Variants in PRKG1 observed in about 807,000 individuals in gnomAD.
The protein encoded by PRKG1 is cGMP-dependent protein kinase 1.
A neutral mutation model predicts 88.1 loss-of-function variants in PRKG1; 35 were observed. That is an observed-to-expected ratio of 0.40 (90% confidence interval 0.30 to 0.53). The LOEUF (loss-of-function observed/expected upper bound fraction) is 0.53, where lower values mean the gene tolerates loss of function less well. Among genes scored for constraint, PRKG1 ranks in the 20% least tolerant of loss-of-function variants. PRKG1 has a pLI of 0.59. For missense variants in PRKG1, 540 were observed against 839.8 expected, an observed-to-expected ratio of 0.64 and a Z score of 4.41; for synonymous variants, 303 against 292.5, an observed-to-expected ratio of 1.04 and a Z score of -0.37.
chr10:51,980,632 T>C (rs1419301573), intron 5 of PRKG1, among the ~76,000 whole-genome samples: 2 of 152,200 alleles, frequency 1.3e-5, no homozygotes, highest in Non-Finnish European at 2.9e-5. Flanking sequence ...TTTGAAAGTA[T>C]CTTAAGAACT....
intron 2 of PRKG1, among the ~76,000 whole-genome samples, chr10:51,269,686 T>C (rs1359092613): frequency 6.6e-6 from 1 of 152,006 alleles, no homozygotes; most frequent in East Asian, 1.9e-4. Context: ...GGCATAAGAA[T>C]GATATAAGGG....
chr10:51,570,067 A>ATATATATATATATATATATCTATG (rs1491310201), intron 3 of PRKG1, among the ~76,000 whole-genome samples: 1 of 113,078 alleles, frequency 8.8e-6, no homozygotes, highest in Admixed American at 8.8e-5. Flanking sequence ...ATATATATAT[A>ATATATATATATATATATATCTATG]TGTGTGTGTG....
intron 5 of PRKG1, among the ~76,000 whole-genome samples, chr10:51,988,770 TG>T (rs1844227732): frequency 6.6e-6 from 1 of 152,068 alleles, no homozygotes; most frequent in African/African-American, 2.4e-5. Context: ...TTGCCAGTTA[TG>T]GGTGTGGCAC....
rs183963236 is a variant in PRKG1 at position 52,001,908 on chromosome 10, G to T, written c.763-52576G>T. Among the ~76,000 whole-genome samples the T allele has an allele frequency of 2.0e-5, 3 of 151,958 alleles. No individual in the cohort carries two copies. The East Asian group carries it at 5.8e-4, about 29-fold the overall frequency. On this transcript the variant is annotated intron_variant, in intron 5 of 17. Coordinates refer to ENST00000373980, the MANE Select transcript of PRKG1 (RefSeq NM_006258.4). ...AAACTGTTTAAATCTAGAGTAAATG[G>T]TTACACAAAACACATGTGAAGTTGG...
chr10:52,148,303 A>G (rs971654926), intron 8 of PRKG1, among the ~76,000 whole-genome samples: 2 of 152,154 alleles, frequency 1.3e-5, no homozygotes, highest in East Asian at 3.9e-4. Flanking sequence ...CCTACAATGC[A>G]CAGGACAGCT....
At chr10:51,816,537 ATG>A (rs35430934) in intron 4 of PRKG1, among the ~76,000 whole-genome samples, 95 of 146,008 alleles carry the variant, frequency 6.5e-4, no homozygotes, top group East Asian at 3.2e-3. Flanking sequence ...TAATTTTGGC[ATG>A]TGTGTGTGTG....
At chr10:52,188,080 G>T (rs187654185) in intron 9 of PRKG1, among the ~76,000 whole-genome samples, 3 of 151,882 alleles carry the variant, frequency 2.0e-5, no homozygotes, top group Admixed American at 6.6e-5. Flanking sequence ...AGTTTATTTA[G>T]TGGATGATGA....
intron 9 of PRKG1, among the ~76,000 whole-genome samples, chr10:52,162,390 A>G (rs934273426): frequency 6.6e-6 from 1 of 152,108 alleles, no homozygotes; most frequent in African/African-American, 2.4e-5. Flanking sequence ...TAATATGAGA[A>G]TGATATGAGA....
chr10:51,856,127 T>C lies in PRKG1; in HGVS notation c.699-51380T>C, dbSNP rs749807544. ...CCCCATTGACCCATAAGGACAATTATGGGGTCATTGCTTCTCTCCCATAAG... is the reference window on the plus strand; with the variant it reads ...CCCCATTGACCCATAAGGACAATTACGGGGTCATTGCTTCTCTCCCATAAG... On this transcript the variant is annotated intron_variant, in intron 4 of 17. Coordinates refer to ENST00000373980, the MANE Select transcript of PRKG1 (RefSeq NM_006258.4). 1.3e-4 allele frequency among the ~76,000 whole-genome samples: 20 copies of C among 152,302 alleles called. No individual in the cohort carries two copies. The East Asian group carries it at 3.7e-3, about 28-fold the overall frequency.
intron 5 of PRKG1, among the ~76,000 whole-genome samples, chr10:51,968,762 G>A (rs968987975): frequency 1.3e-5 from 2 of 149,162 alleles, no homozygotes; most frequent in African/African-American, 2.5e-5. Context: ...GGCGGAGGTT[G>A]CAGTGAGCCA....
intron 3 of PRKG1, among the ~76,000 whole-genome samples, chr10:51,480,560 TAAA>T (rs112795238): frequency 7.1e-6 from 1 of 140,798 alleles, no homozygotes; most frequent in African/African-American, 2.6e-5. Flanking sequence ...CCTTGGCACC[TAAA>T]AAAAAAAAAA....
At chr10:51,344,408 C>T (rs979742653) in intron 2 of PRKG1, among the ~76,000 whole-genome samples, 2 of 152,180 alleles carry the variant, frequency 1.3e-5, no homozygotes, top group Admixed American at 1.3e-4. Context: ...ACCACCAACA[C>T]TGAGGATTAC....
intron 5 of PRKG1, among the ~76,000 whole-genome samples, chr10:51,919,213 T>G (rs1842409725): frequency 6.6e-6 from 1 of 152,164 alleles, no homozygotes; most frequent in Admixed American, 6.6e-5. Flanking sequence ...TAAGTCTGTT[T>G]CCTGGTAGAT....
intron 1 of PRKG1, among the ~76,000 whole-genome samples, chr10:51,147,155 C>G (rs1845964699): frequency 6.6e-6 from 1 of 151,976 alleles, no homozygotes; most frequent in South Asian, 2.1e-4. Context: ...GGGAAAGATA[C>G]TGAAGGGTTG....
chr10:51,468,855 T>TA (rs75305941), intron 3 of PRKG1, among the ~76,000 whole-genome samples: 15,773 of 151,766 alleles, frequency 0.1, 868 homozygotes, highest in South Asian at 0.14. Flanking sequence ...AAATTGGATT[T>TA]AAAAAAAACA....
chr10:51,724,314 T>C (rs545081454), intron 3 of PRKG1, among the ~76,000 whole-genome samples: 1 of 152,320 alleles, frequency 6.6e-6, no homozygotes, highest in South Asian at 2.1e-4. Context: ...CCCGTGATTA[T>C]AATGTACATA....
chr10:51,696,087 G>A (rs890879918), intron 3 of PRKG1: 3 of 152,090 alleles, frequency 2.0e-5, no homozygotes, highest in Non-Finnish European at 2.9e-5. Flanking sequence ...ATGTATATTA[G>A]GACTAAATGG....
intron 3 of PRKG1, among the ~76,000 whole-genome samples, chr10:51,542,434 GT>G (rs1453792236): frequency 6.6e-6 from 1 of 152,232 alleles, no homozygotes; most frequent in East Asian, 1.9e-4. Context: ...GAGAGATTTA[GT>G]GCCCAGGTAA....
chr10:51,537,310 G>C (rs972008299), intron 3 of PRKG1, among the ~76,000 whole-genome samples: 5 of 152,172 alleles, frequency 3.3e-5, no homozygotes, highest in Non-Finnish European at 5.9e-5. Context: ...GAATGAGAAA[G>C]TGAATGCCCA....
Sources: allele counts gnomAD v4.1 joint callset (sites outside exome capture counted in the v4.1 genomes callset), GRCh38; gene constraint gnomAD v4.1.1; transcripts MANE v1.5; gene names NCBI Gene and HGNC (gene_info 2026-07-23, HGNC 2026-07-21).